The following UBE2G1 variants were observed in gnomAD, a reference collection of about 807,000 sequenced individuals.
UBE2G1 encodes ubiquitin conjugating enzyme E2 G1, also known as ubiquitin-conjugating enzyme E2 G1.
Under a neutral mutation model 22.7 loss-of-function variants are expected in UBE2G1, and 5 were observed. The ratio of observed to expected loss-of-function variants is 0.22; its 90% CI spans 0.12 to 0.46. UBE2G1 has a LOEUF of 0.46. Among genes scored for constraint, UBE2G1 ranks in the 20% least tolerant of loss-of-function variants. UBE2G1 has a pLI of 0.99. For synonymous variants in UBE2G1, 74 were observed against 67.5 expected (o/e 1.10, Z -0.47); for missense variants, 88 against 203.9 (o/e 0.43, Z 3.46).
intron 4 of UBE2G1, among the ~76,000 whole-genome samples, chr17:4,284,783 T>A (rs1008327735): frequency 6.6e-6 from 1 of 151,610 alleles, no homozygotes; most frequent in South Asian, 2.1e-4. Context: ...ACCATTTGTT[T>A]TTTTCCCCCC....
intron 1 of UBE2G1, among the ~76,000 whole-genome samples, chr17:4,348,478 G>A (rs1020050408): frequency 8.7e-5 from 13 of 150,066 alleles, no homozygotes; most frequent in South Asian, 6.4e-4. Flanking sequence ...GCGTGAATCC[G>A]GGAGGCAGAG....
chr17:4,343,738 A>G (rs1374014688), intron 1 of UBE2G1, among the ~76,000 whole-genome samples: 1 of 151,674 alleles, frequency 6.6e-6, no homozygotes, highest in Non-Finnish European at 1.5e-5. Context: ...ACTGGCGCCC[A>G]CCACCACGCC....
intron 1 of UBE2G1, among the ~76,000 whole-genome samples, chr17:4,329,622 T>C (rs1027798224): frequency 6.6e-5 from 10 of 152,120 alleles, no homozygotes; most frequent in African/African-American, 2.2e-4. Context: ...ACTATTTCCA[T>C]AATTTAAGGA....
chr17:4,356,049 TAAAAAAAAAAA>T (rs746982860), intron 1 of UBE2G1, among the ~76,000 whole-genome samples: 10 of 99,088 alleles, frequency 1.0e-4, no homozygotes, highest in East Asian at 6.2e-4. Context: ...TGTTTCACTT[TAAAAAAAAAAA>T]AAAAAAAAAA....
chr17:4,288,845 T>C (rs1386216362), intron 4 of UBE2G1, among the ~76,000 whole-genome samples: 1 of 152,086 alleles, frequency 6.6e-6, no homozygotes, highest in Non-Finnish European at 1.5e-5. Context: ...TTCCACAACA[T>C]ATCCATATTT....
At chr17:4,296,224 G>C (rs1969109914) in intron 3 of UBE2G1, among the ~76,000 whole-genome samples, 1 of 151,924 alleles carries the variant, frequency 6.6e-6, no homozygotes, top group Non-Finnish European at 1.5e-5. Context: ...TGAAAACTAA[G>C]TAAATAAATA....
intron 3 of UBE2G1, among the ~76,000 whole-genome samples, chr17:4,295,979 T>A (rs1969105272): frequency 6.7e-6 from 1 of 149,024 alleles, no homozygotes; most frequent in Non-Finnish European, 1.5e-5. Context: ...TTGTTTCATA[T>A]GACACTGCCA....
At position 4,280,574 on chromosome 17, in the gene UBE2G1, T is replaced by C. The variant is rs546079802; in HGVS notation, c.*37+2224A>G. ...ACATGGACCAGGCTGGTCTTGTAAG[T>C]GATCTGCCCATCTCAACCTCCCAAA... is the stretch of plus-strand genomic sequence containing the variant. On this transcript the variant is annotated intron_variant, in intron 5 of 5. Coordinates refer to ENST00000396981, the MANE Select transcript of UBE2G1 (RefSeq NM_003342.5). Among the ~76,000 whole-genome samples the C allele has an allele frequency of 2.6e-5, 4 of 151,484 alleles. No homozygotes were observed. The South Asian group carries it at 8.3e-4, about 32-fold the overall frequency.
At chr17:4,319,942 A>T (rs1378678151) in intron 1 of UBE2G1, among the ~76,000 whole-genome samples, 1 of 151,938 alleles carries the variant, frequency 6.6e-6, no homozygotes. Flanking sequence ...ATAAAACCAA[A>T]CCACCATGAA....
intron 1 of UBE2G1, among the ~76,000 whole-genome samples, chr17:4,349,505 T>C (rs1169060465): frequency 1.1e-4 from 1 of 9,160 alleles, no homozygotes; most frequent in African/African-American, 7.1e-4. Context: ...AATGGAGGCA[T>C]TGTTTTTAAA....
chr17:4,355,701 C>T, intron 1 of UBE2G1, among the ~76,000 whole-genome samples: 1 of 149,560 alleles, frequency 6.7e-6, no homozygotes, highest in East Asian at 2.0e-4. Flanking sequence ...TATGGAGTAG[C>T]CATTCTTTTT....
At chr17:4,316,221 G>A (rs959524175) in intron 1 of UBE2G1, among the ~76,000 whole-genome samples, 1 of 152,066 alleles carries the variant, frequency 6.6e-6, no homozygotes, top group Non-Finnish European at 1.5e-5. Context: ...TCCTGCTCCG[G>A]GAATGTGAGT....
chr17:4,328,950 C>CA (rs1391743580), intron 1 of UBE2G1, among the ~76,000 whole-genome samples: 6 of 151,398 alleles, frequency 4.0e-5, no homozygotes, highest in African/African-American at 1.5e-4. Context: ...GCCAAGGATA[C>CA]AAAAAATTAG....
rs1401233355 is a variant in UBE2G1, at chr17:4,366,268, C to T, written c.46+3G>A. 2.3e-5 allele frequency: 35 copies of T among 1,552,806 alleles called. No individual in the cohort carries two copies. The highest frequency in any genetic ancestry group is 2.9e-5 in the Non-Finnish European group (34 of 1,159,108). On this transcript the variant is annotated splice_donor_region_variant and intron_variant, in intron 1 of 5. Transcript: ENST00000396981. ...CCCGGCGCCCCGCCGCCCGCCTGCT[C>T]ACCTGCCAGCTGTCTTCGCAGTAGC...
rs1039348745 is a variant in UBE2G1 at position 4,366,570 on chromosome 17, C to G, written c.-254G>C. 22 of 387,010 alleles carry G rather than the reference C, an allele frequency of 5.7e-5. No individual in the cohort carries two copies. Among genetic ancestry groups the G allele is most frequent in the Middle Eastern group, 6.7e-4 (1 of 1,484 alleles). The allele number at this position is 387,010 out of a possible 1,614,324, so 24.0% of individuals were successfully genotyped here. On this transcript the variant is annotated 5_prime_UTR_variant, in exon 1 of 6. Coordinates refer to ENST00000396981, the MANE Select transcript of UBE2G1 (RefSeq NM_003342.5). ...GCTGCCGCGGCGCGCACTGGGACTT[C>G]GCTCGCCCGCTTCCCTCCTTCAACC...
intron 1 of UBE2G1, among the ~76,000 whole-genome samples, chr17:4,332,799 ATGAT>A (rs1337254907): frequency 3.9e-5 from 6 of 152,164 alleles, no homozygotes; most frequent in Non-Finnish European, 8.8e-5. Flanking sequence ...TAACCTCTGC[ATGAT>A]TCACTCATTC....
At chr17:4,296,890 A>G in intron 2 of UBE2G1, 76 bp from the exon 3 acceptor site, 1 of 1,290,970 alleles carries the variant, frequency 7.7e-7, no homozygotes, top group Non-Finnish European at 1.1e-6. Context: ...AACAAATATA[A>G]AACAAGGGTG....
chr17:4,350,299 A>G (rs1391175368), intron 1 of UBE2G1, among the ~76,000 whole-genome samples: 1 of 152,106 alleles, frequency 6.6e-6, no homozygotes, highest in Non-Finnish European at 1.5e-5. Flanking sequence ...CGTCTCTACC[A>G]AAAATACAAA....
chr17:4,327,413 A>T (rs915946548), intron 1 of UBE2G1, among the ~76,000 whole-genome samples: 2 of 152,140 alleles, frequency 1.3e-5, no homozygotes, highest in African/African-American at 4.8e-5. Context: ...CAGAGGTTGT[A>T]CTGAGCCAAG....
Sources: gnomAD v4.1 joint callset for allele counts (sites outside exome capture counted in the v4.1 genomes callset) on GRCh38, gnomAD v4.1.1 for gene constraint, MANE v1.5 for transcripts, NCBI Gene and HGNC (gene_info 2026-07-23, HGNC 2026-07-21) for gene names.